TMEM117: variants seen among roughly 807,000 people sequenced by gnomAD.
The protein encoded by TMEM117 is transmembrane protein 117.
In TMEM117, 27 loss-of-function variants were observed where a neutral mutation model predicts 52.4. That is an observed-to-expected ratio of 0.51 (90% confidence interval 0.38 to 0.71). The LOEUF is 0.71. TMEM117 is among the 30% of genes least tolerant of loss of function. The probability of loss-of-function intolerance (pLI) is 0.00; values close to 1 mark genes in which losing one functional copy is unlikely to be tolerated. For synonymous variants in TMEM117, 215 were observed against 206.3 expected (o/e 1.04, Z -0.36); for missense variants, 556 against 630.5 (o/e 0.88, Z 1.26).
At chr12:44,017,536 T>G (rs1295431351) in intron 3 of TMEM117, among the ~76,000 whole-genome samples, 2 of 152,106 alleles carry the variant, frequency 1.3e-5, no homozygotes, top group Admixed American at 1.3e-4. Flanking sequence ...TCTGAGTGCT[T>G]GTCACTGGGT....
intron 6 of TMEM117, 21 bp from the exon 7 acceptor site, chr12:44,376,556 AACGAATCACAAATGTTTT>A (rs1565773553): frequency 7.0e-6 from 11 of 1,580,456 alleles, no homozygotes; most frequent in Non-Finnish European, 9.4e-6. Flanking sequence ...TTAGGAATGA[AACGAATCACAAATGTTTT>A]TATTTGATTT....
At chr12:43,958,855 G>A (rs1259552500) in intron 3 of TMEM117, among the ~76,000 whole-genome samples, 1 of 152,030 alleles carries the variant, frequency 6.6e-6, no homozygotes, top group Non-Finnish European at 1.5e-5. Context: ...CGCCCTGGCT[G>A]GAGTGCAGTG....
intron 3 of TMEM117, among the ~76,000 whole-genome samples, chr12:44,074,210 G>T (rs2137991639): frequency 6.6e-6 from 1 of 152,254 alleles, no homozygotes; most frequent in Admixed American, 6.5e-5. Context: ...TTATAGTCAA[G>T]GTAATCATAC....
At chr12:43,814,859 C>T in the TMEM117 span, among the ~76,000 whole-genome samples, 2 of 151,714 alleles carry the variant, frequency 1.3e-5, no homozygotes, top group Admixed American at 6.6e-5. Context: ...ATTCTCCTGC[C>T]TCAGCCTCTC....
chr12:44,268,122 A>T (rs138562486), intron 5 of TMEM117, among the ~76,000 whole-genome samples: 2,165 of 151,924 alleles, frequency 0.014, 16 homozygotes, highest in Middle Eastern at 0.027. Context: ...CTTTGGAAAA[A>T]ATTCTACTTG....
rs184136008 is a variant in TMEM117, at chr12:44,374,176, G to A, written c.769-2419G>A. On this transcript the variant is annotated intron_variant, in intron 6 of 7. Coordinates refer to ENST00000266534, the MANE Select transcript of TMEM117 (RefSeq NM_032256.3). ...TTCTGCTCCAAGTCAAATTAGGCCA[G>A]AGTTTACACTCACTCGAGAATGATG... 2.0e-5 allele frequency among the ~76,000 whole-genome samples: 3 copies of A among 152,238 alleles called. No homozygotes were observed. The East Asian group carries it at 5.8e-4, about 29-fold the overall frequency.
chr12:44,094,814 A>G (rs990660214), intron 3 of TMEM117, among the ~76,000 whole-genome samples: 1 of 152,046 alleles, frequency 6.6e-6, no homozygotes, highest in African/African-American at 2.4e-5. Context: ...GGAATACTCA[A>G]CTAAAAAGGG....
At chr12:44,124,876 A>G (rs935120993) in intron 3 of TMEM117, among the ~76,000 whole-genome samples, 4 of 151,956 alleles carry the variant, frequency 2.6e-5, no homozygotes, top group South Asian at 2.1e-4. Context: ...TCTTTGTTGT[A>G]TCTCTGCCAG....
At chr12:44,103,790 T>C (rs1172455516) in intron 3 of TMEM117, among the ~76,000 whole-genome samples, 1 of 152,058 alleles carries the variant, frequency 6.6e-6, no homozygotes, top group Non-Finnish European at 1.5e-5. Flanking sequence ...TTTTTCTTTT[T>C]CTTTTCTCTT....
intron 6 of TMEM117, among the ~76,000 whole-genome samples, chr12:44,307,332 ATGTT>A (rs1477909660): frequency 6.6e-6 from 1 of 152,194 alleles, no homozygotes; most frequent in Non-Finnish European, 1.5e-5. Flanking sequence ...ATTTGTTTAA[ATGTT>A]TGTCCACTAG....
intron 3 of TMEM117, among the ~76,000 whole-genome samples, chr12:44,066,547 T>G (rs1004992571): frequency 1.3e-5 from 2 of 152,210 alleles, no homozygotes; most frequent in African/African-American, 4.8e-5. Flanking sequence ...TCACATGAAT[T>G]TCTTGGTTTC....
intron 4 of TMEM117, among the ~76,000 whole-genome samples, chr12:44,179,386 A>G (rs774243466): frequency 3.9e-5 from 6 of 152,196 alleles, no homozygotes; most frequent in Non-Finnish European, 8.8e-5. Flanking sequence ...GGAAGCTGAC[A>G]ATGCAAGCAT....
chr12:44,301,941 G>A (rs1950845721), intron 6 of TMEM117, among the ~76,000 whole-genome samples: 1 of 152,156 alleles, frequency 6.6e-6, no homozygotes, highest in East Asian at 1.9e-4. Context: ...CTCCAAATTA[G>A]TAGGTTTCTA....
intron 6 of TMEM117, among the ~76,000 whole-genome samples, chr12:44,372,420 T>C (rs1273616193): frequency 1.3e-5 from 2 of 152,196 alleles, no homozygotes; most frequent in Non-Finnish European, 2.9e-5. Flanking sequence ...TCCATAGTTA[T>C]GATGCCAGGA....
In TMEM117 at chr12:44,380,934, G is replaced by A. The variant is rs566516829; in HGVS notation, c.898+4210G>A. Among the ~76,000 whole-genome samples the A allele has an allele frequency of 1.2e-3, 178 of 152,258 alleles. 3 individuals carry two copies. The South Asian group carries it at 0.027, about 23-fold the overall frequency. ...ATTCTCTCTCCCAATGAAATATTCT[G>A]TATGTAGAGGGTTATGACACTGATG... On this transcript the variant is annotated intron_variant, in intron 7 of 7. Transcript: ENST00000266534.
At chr12:43,988,134 TA>T in intron 3 of TMEM117, among the ~76,000 whole-genome samples, 1 of 152,252 alleles carries the variant, frequency 6.6e-6, no homozygotes, top group South Asian at 2.1e-4. Flanking sequence ...TGAAATATTG[TA>T]ATAGAAAGGT....
intron 5 of TMEM117, among the ~76,000 whole-genome samples, chr12:44,272,346 T>C (rs1950456727): frequency 2.6e-5 from 4 of 151,976 alleles, no homozygotes; most frequent in Admixed American, 2.6e-4. Flanking sequence ...CCAAAAGCAA[T>C]GGCAACAAAA....
intron 6 of TMEM117, among the ~76,000 whole-genome samples, chr12:44,311,029 C>T (rs1950967794): frequency 6.6e-6 from 1 of 152,068 alleles, no homozygotes; most frequent in African/African-American, 2.4e-5. Flanking sequence ...AGATGATAGT[C>T]TCAGTTTATT....
At chr12:44,304,582 G>A (rs902134596) in intron 6 of TMEM117, among the ~76,000 whole-genome samples, 1 of 152,190 alleles carries the variant, frequency 6.6e-6, no homozygotes, top group Admixed American at 6.5e-5. Flanking sequence ...TGCTTCAGGA[G>A]AGGAGAGCAG....
Sources: allele counts gnomAD v4.1 joint callset (sites outside exome capture counted in the v4.1 genomes callset), GRCh38; gene constraint gnomAD v4.1.1; transcripts MANE v1.5; gene names NCBI Gene and HGNC (gene_info 2026-07-23, HGNC 2026-07-21).